The following MED27 variants were observed in gnomAD, a reference collection of about 807,000 sequenced individuals.
MED27 encodes mediator complex subunit 27.
In MED27, 30 loss-of-function variants were observed where a neutral mutation model predicts 38.2. That is an observed-to-expected ratio of 0.79 (90% confidence interval 0.59 to 1.07). The LOEUF (loss-of-function observed/expected upper bound fraction) is 1.07, where lower values mean the gene tolerates loss of function less well. Among genes scored for constraint, MED27 ranks in the 50% least tolerant of loss-of-function variants. The pLI, the probability that MED27 is intolerant of heterozygous loss-of-function variation, is 0.00. For missense variants in MED27, 289 were observed against 397.5 expected, an observed-to-expected ratio of 0.73 and a Z score of 2.32; for synonymous variants, 122 against 153.5, an observed-to-expected ratio of 0.79 and a Z score of 1.52.
At chr9:132,053,263 A>T (rs566065929) in intron 2 of MED27, among the ~76,000 whole-genome samples, 252 of 151,868 alleles carry the variant, frequency 1.7e-3, no homozygotes, top group African/African-American at 3.1e-3. Context: ...CAAAAAAAAA[A>T]AAAAAAGAAA....
At chr9:131,971,363 G>A (rs537446878) in intron 3 of MED27, among the ~76,000 whole-genome samples, 1 of 152,328 alleles carries the variant, frequency 6.6e-6, no homozygotes, top group East Asian at 1.9e-4. Flanking sequence ...AAGGACAGGG[G>A]GAGAGAGAGG....
chr9:131,943,932 G>A (rs758172021), intron 3 of MED27, among the ~76,000 whole-genome samples: 8 of 152,054 alleles, frequency 5.3e-5, no homozygotes, highest in Non-Finnish European at 8.8e-5. Context: ...CAGTATGTTC[G>A]GATAGAAAAC....
intron 6 of MED27, among the ~76,000 whole-genome samples, chr9:131,882,697 C>A (rs1212354469): frequency 1.3e-5 from 2 of 152,212 alleles, no homozygotes; most frequent in Admixed American, 1.3e-4. Context: ...CTTCACGGGG[C>A]TGGCTCCTCC....
intron 2 of MED27, among the ~76,000 whole-genome samples, chr9:132,046,634 C>G (rs976268355): frequency 1.3e-5 from 2 of 152,164 alleles, no homozygotes; most frequent in Non-Finnish European, 2.9e-5. Context: ...GTCCCAGCCC[C>G]CAAGCAATCG....
intron 2 of MED27, among the ~76,000 whole-genome samples, chr9:132,026,596 T>A (rs1011452599): frequency 2.0e-5 from 3 of 152,158 alleles, no homozygotes; most frequent in Admixed American, 1.3e-4. Flanking sequence ...AAAAATGTGC[T>A]GAGAATGGGA....
At chr9:131,878,306 TAAATA>T (rs1408377573) in intron 6 of MED27, among the ~76,000 whole-genome samples, 2 of 148,654 alleles carry the variant, frequency 1.3e-5, no homozygotes, top group Non-Finnish European at 3.0e-5. Flanking sequence ...AATAAATAAA[TAAATA>T]AAATAAAAAT....
intron 2 of MED27, among the ~76,000 whole-genome samples, chr9:132,071,758 A>G (rs1431706215): frequency 6.6e-6 from 1 of 151,550 alleles, no homozygotes; most frequent in Non-Finnish European, 1.5e-5. Flanking sequence ...ACGAGCACAC[A>G]TGCATACGAG....
intron 3 of MED27, among the ~76,000 whole-genome samples, chr9:131,954,510 A>C (rs1011129842): frequency 6.6e-6 from 1 of 152,196 alleles, no homozygotes; most frequent in Non-Finnish European, 1.5e-5. Flanking sequence ...TACAGGTTTA[A>C]GGTGGCCTCA....
At chr9:131,950,953 T>C (rs1046396728) in intron 3 of MED27, among the ~76,000 whole-genome samples, 1 of 152,240 alleles carries the variant, frequency 6.6e-6, no homozygotes, top group African/African-American at 2.4e-5. Flanking sequence ...AATCACAAAA[T>C]GTCATCCAAC....
At chr9:131,976,831 A>C (rs1831617044) in intron 3 of MED27, among the ~76,000 whole-genome samples, 1 of 152,202 alleles carries the variant, frequency 6.6e-6, no homozygotes, top group South Asian at 2.1e-4. Context: ...CTAATCTACA[A>C]CACTATTATC....
intron 3 of MED27, among the ~76,000 whole-genome samples, chr9:131,941,395 T>C (rs1162628014): frequency 2.0e-5 from 3 of 152,206 alleles, no homozygotes; most frequent in African/African-American, 7.2e-5. Context: ...TAATGCCTTT[T>C]GTTAAAAAGC....
At chr9:131,991,625 C>T (rs1354246122) in intron 3 of MED27, among the ~76,000 whole-genome samples, 3 of 152,198 alleles carry the variant, frequency 2.0e-5, no homozygotes, top group African/African-American at 7.2e-5. Flanking sequence ...AAACTCAACA[C>T]AAAATATATA....
intron 3 of MED27, among the ~76,000 whole-genome samples, chr9:131,940,060 C>A (rs1483836055): frequency 6.6e-6 from 1 of 151,962 alleles, no homozygotes; most frequent in Non-Finnish European, 1.5e-5. Flanking sequence ...GCGATCCCCA[C>A]CACACCTGGC....
intron 2 of MED27, among the ~76,000 whole-genome samples, chr9:132,017,260 G>A (rs1832624572): frequency 6.6e-6 from 1 of 152,086 alleles, no homozygotes; most frequent in Admixed American, 6.6e-5. Flanking sequence ...ATCTGAAGAG[G>A]CTCCTGGAAA....
In MED27 at chr9:131,928,431, G is replaced by A. The variant is rs187149477; in HGVS notation, c.573+10950C>T. Among the ~76,000 whole-genome samples the A allele has an allele frequency of 2.7e-3, 405 of 152,308 alleles. 2 individuals carry two copies. Among genetic ancestry groups the A allele is most frequent in the Non-Finnish European group, 4.5e-3 (308 of 68,034 alleles). ...ATCAGGTAAGCAATCACAGTATCTTGTTTTAACTTTATTTCACTGAAAGAG... is the reference window on the plus strand; with the variant it reads ...ATCAGGTAAGCAATCACAGTATCTTATTTTAACTTTATTTCACTGAAAGAG... On this transcript the variant is annotated intron_variant, in intron 4 of 7. Transcript: ENST00000292035.
At chr9:131,880,340 T>G (rs1589179975) in intron 6 of MED27, among the ~76,000 whole-genome samples, 1 of 152,208 alleles carries the variant, frequency 6.6e-6, no homozygotes, top group Admixed American at 6.5e-5. Context: ...GACATTTTAG[T>G]TAGGAAGAGA....
intron 3 of MED27, among the ~76,000 whole-genome samples, chr9:131,985,819 CTG>C (rs959827599): frequency 2.5e-4 from 38 of 152,088 alleles, no homozygotes; most frequent in Admixed American, 7.9e-4. Context: ...GATGACAGCT[CTG>C]TGTGTTACTG....
At chr9:131,960,130 G>A (rs1831184227) in intron 3 of MED27, among the ~76,000 whole-genome samples, 1 of 152,194 alleles carries the variant, frequency 6.6e-6, no homozygotes, top group African/African-American at 2.4e-5. Flanking sequence ...TCTTTCACTT[G>A]AGGATCTCAG....
At chr9:131,987,179 G>A (rs964125036) in intron 3 of MED27, among the ~76,000 whole-genome samples, 7 of 151,940 alleles carry the variant, frequency 4.6e-5, no homozygotes, top group Admixed American at 3.3e-4. Flanking sequence ...CTTGCTGCAC[G>A]TTCTCAAAGA....
Sources: gnomAD v4.1 joint callset for allele counts (sites outside exome capture counted in the v4.1 genomes callset) on GRCh38, gnomAD v4.1.1 for gene constraint, MANE v1.5 for transcripts, NCBI Gene and HGNC (gene_info 2026-07-23, HGNC 2026-07-21) for gene names.